Variants in TEX14 observed in about 807,000 individuals in gnomAD.
The protein encoded by TEX14 is testis expressed 14, intercellular bridge forming factor, also known as inactive serine/threonine-protein kinase TEX14.
In TEX14, 168 loss-of-function variants were observed where a neutral mutation model predicts 178.6. The observed-to-expected ratio is 0.94, with a 90% CI of 0.83 to 1.07. TEX14 has a LOEUF of 1.07. TEX14 is among the 50% of genes least tolerant of loss of function. TEX14 has a pLI of 0.00. For missense variants in TEX14, 1,730 were observed against 1,753.6 expected (o/e 0.99, Z 0.24); for synonymous variants, 626 against 634.1 (o/e 0.99, Z 0.19).
At position 58,661,311 on chromosome 17, in the gene TEX14, G is replaced by A. The variant is rs201655351; in HGVS notation, c.-1-9309C>T. ...TGCAAATGATCTAGACGCTTACGGGGGTTGACTTGTTTCATGGTGAGGGCT... is the reference window on the plus strand; with the variant it reads ...TGCAAATGATCTAGACGCTTACGGGAGTTGACTTGTTTCATGGTGAGGGCT... On this transcript the variant is annotated intron_variant, in intron 1 of 31. Transcript: ENST00000349033. The A allele has an allele frequency of 7.0e-4, 580 of 833,578 alleles. 1 individual carries two copies. The highest frequency in any genetic ancestry group is 3.1e-3 in the Middle Eastern group (14 of 4,544). The allele number at this position is 833,578 out of a possible 1,614,324, so 51.6% of individuals were successfully genotyped here.
At chr17:58,658,671 T>C (rs2143330952) in intron 1 of TEX14, among the ~76,000 whole-genome samples, 1 of 152,116 alleles carries the variant, frequency 6.6e-6, no homozygotes. Context: ...GTTTACAGGC[T>C]TTAGCCACCC....
chr17:58,559,623 G>A (rs1160652282), intron 29 of TEX14, 61 bp from the exon 30 acceptor site: 4 of 795,134 alleles, frequency 5.0e-6, no homozygotes, highest in African/African-American at 1.8e-5. Flanking sequence ...AAACAGGACT[G>A]TACTCAAAAC....
At chr17:58,565,635 T>G in intron 27 of TEX14, 112 bp downstream of exon 27, 1 of 698,620 alleles carries the variant, frequency 1.4e-6, no homozygotes, top group South Asian at 1.8e-5. Context: ...AAAGTCAGAC[T>G]TGAGGTGGAG....
chr17:58,606,117 C>A (rs1174163634), intron 10 of TEX14, among the ~76,000 whole-genome samples: 1 of 152,182 alleles, frequency 6.6e-6, no homozygotes, highest in African/African-American at 2.4e-5. Flanking sequence ...CTCAAGGGTT[C>A]ACTCATATGC....
In TEX14 at chr17:58,602,409, A is replaced by G; in HGVS notation, c.1518T>C (p.Asn506=). 1 of 1,610,184 alleles carries G rather than the reference A, an allele frequency of 6.2e-7. No individual in the cohort carries two copies. The highest frequency in any genetic ancestry group is 8.5e-7 in the Non-Finnish European group (1 of 1,177,612). Residue 506 remains asparagine, a synonymous_variant, in exon 12 of 32, where the codon AAT becomes AAC. Transcript: ENST00000349033. ...NLQDIRYILK[N]DLKDFTGAQR... is the part of the protein sequence containing the mutation. ...CAACTTCAGGGCTTGCCTTTAAGTC[A>G]TTCTTCAGAATATACCGGATATCTT...
intron 2 of TEX14, among the ~76,000 whole-genome samples, chr17:58,643,015 A>G (rs1034233573): frequency 6.6e-6 from 1 of 152,164 alleles, no homozygotes; most frequent in Non-Finnish European, 1.5e-5. Flanking sequence ...GAGCTCTTTA[A>G]AAGCAGAAAC....
intron 2 of TEX14, among the ~76,000 whole-genome samples, chr17:58,643,922 ACTGTTTTCT>A (rs1206442807): frequency 1.4e-5 from 2 of 138,168 alleles, no homozygotes; most frequent in Non-Finnish European, 1.5e-5. Flanking sequence ...AAGTCATCTT[ACTGTTTTCT>A]CTGTTTTCTC....
intron 1 of TEX14, among the ~76,000 whole-genome samples, chr17:58,659,029 C>G (rs2047030236): frequency 6.6e-6 from 1 of 150,488 alleles, no homozygotes. Flanking sequence ...CAGACCGTAA[C>G]CTAAGAAGAC....
At chr17:58,632,658 A>G (rs984170826) in intron 2 of TEX14, among the ~76,000 whole-genome samples, 1 of 152,188 alleles carries the variant, frequency 6.6e-6, no homozygotes, top group African/African-American at 2.4e-5. Flanking sequence ...CGGCCTGCAA[A>G]CGTAACCGCA....
chr17:58,649,228 C>T (rs75246413), intron 2 of TEX14, among the ~76,000 whole-genome samples: 2 of 151,772 alleles, frequency 1.3e-5, no homozygotes, highest in Non-Finnish European at 2.9e-5. Flanking sequence ...TACAGGCACC[C>T]ACCACCACGC....
intron 21 of TEX14, among the ~76,000 whole-genome samples, chr17:58,575,132 G>A (rs77095542): frequency 3.2e-5 from 2 of 63,428 alleles, no homozygotes; most frequent in African/African-American, 5.8e-5. Context: ...TTTTTTTTTT[G>A]AGATGGAGTC....
At chr17:58,633,006 T>C (rs1359836797) in intron 2 of TEX14, among the ~76,000 whole-genome samples, 1 of 152,196 alleles carries the variant, frequency 6.6e-6, no homozygotes, top group Non-Finnish European at 1.5e-5. Flanking sequence ...AGTGTATTTC[T>C]CGCACTTAAA....
intron 8 of TEX14, 34 bp downstream of exon 8, chr17:58,615,198 T>A (rs1174778842): frequency 7.7e-7 from 1 of 1,296,844 alleles, no homozygotes; most frequent in Non-Finnish European, 1.1e-6. Context: ...TAGAGAGACC[T>A]GGACCTATAA....
chr17:58,571,267 A>C (rs1307076426), intron 24 of TEX14, among the ~76,000 whole-genome samples: 25 of 128,606 alleles, frequency 1.9e-4, no homozygotes, highest in Non-Finnish European at 3.0e-4. Context: ...ACAGGGTCTC[A>C]CTCTGTCGCC....
intron 14 of TEX14, among the ~76,000 whole-genome samples, chr17:58,596,152 C>T (rs986634341): frequency 1.3e-5 from 2 of 151,996 alleles, no homozygotes; most frequent in African/African-American, 4.8e-5. Flanking sequence ...CACTGCACTC[C>T]ACCCTGGGTG....
chr17:58,659,256 A>G (rs979724675), intron 1 of TEX14: 2 of 770,718 alleles, frequency 2.6e-6, no homozygotes, highest in Non-Finnish European at 1.6e-6. Context: ...CTCCCCCAAG[A>G]AAAACACTTT....
intron 2 of TEX14, among the ~76,000 whole-genome samples, chr17:58,640,342 G>A (rs567427368): frequency 6.6e-6 from 1 of 151,862 alleles, no homozygotes; most frequent in South Asian, 2.1e-4. Flanking sequence ...TATTTACTGA[G>A]GTCTTGCCAT....
Position 58,634,889 on chromosome 17 carries a change from T to A in TEX14, c.137-4335A>T, listed in dbSNP as rs540554471. Among the ~76,000 whole-genome samples the A allele has an allele frequency of 2.0e-5, 3 of 152,132 alleles. No homozygotes were observed. In the East Asian group the frequency reaches 5.8e-4, roughly 30 times the overall value. Reference sequence around the variant, plus strand: ...GCTCACGCCTGTAATCCCAGCACTTTGGGAGGCCGAGGCAGGCGGATTACC... The same window carrying A: ...GCTCACGCCTGTAATCCCAGCACTTAGGGAGGCCGAGGCAGGCGGATTACC... On this transcript the variant is annotated intron_variant, in intron 2 of 31. Coordinates refer to ENST00000349033, the MANE Select transcript of TEX14 (RefSeq NM_031272.5).
At chr17:58,644,667 G>C (rs1239719854) in intron 2 of TEX14, among the ~76,000 whole-genome samples, 2 of 56,200 alleles carry the variant, frequency 3.6e-5, no homozygotes, top group Non-Finnish European at 6.8e-5. Context: ...TTTTTTTTCT[G>C]ACGGAGTTTC....
Sources: allele counts gnomAD v4.1 joint callset (sites outside exome capture counted in the v4.1 genomes callset), GRCh38; gene constraint gnomAD v4.1.1; transcripts MANE v1.5; gene names NCBI Gene and HGNC (gene_info 2026-07-23, HGNC 2026-07-21).